The following FMNL2 variants were observed in gnomAD, a reference collection of about 807,000 sequenced individuals.
FMNL2 encodes the protein formin-like protein 2.
A neutral mutation model predicts 130.2 loss-of-function variants in FMNL2; 51 were observed. That is an observed-to-expected ratio of 0.39 (90% CI 0.31 to 0.49). The LOEUF (loss-of-function observed/expected upper bound fraction) is 0.49, where lower values mean the gene tolerates loss of function less well. Ranked by LOEUF, FMNL2 falls within the 20% of genes least tolerant of loss-of-function variation. The probability of loss-of-function intolerance (pLI) is 0.85; values close to 1 mark genes in which losing one functional copy is unlikely to be tolerated. For synonymous variants in FMNL2, 465 were observed against 467.1 expected (o/e 1.00, Z 0.06); for missense variants, 977 against 1,316.2 (o/e 0.74, Z 3.99).
chr2:152,336,705 C>T (rs1283930672), intron 1 of FMNL2, among the ~76,000 whole-genome samples: 10 of 152,078 alleles, frequency 6.6e-5, no homozygotes, highest in Non-Finnish European at 1.2e-4. Flanking sequence ...TTTTAGTGTC[C>T]CAGCCTCTTC....
At chr2:152,435,434 C>A (rs187981763) in intron 1 of FMNL2, among the ~76,000 whole-genome samples, 131 of 152,274 alleles carry the variant, frequency 8.6e-4, no homozygotes, top group Middle Eastern at 3.4e-3. Context: ...ACCTGGGTAT[C>A]TTTTTCTTCT....
intron 15 of FMNL2, chr2:152,621,240 G>A (rs961331415): frequency 7.1e-6 from 5 of 708,768 alleles, no homozygotes; most frequent in South Asian, 1.3e-4. Flanking sequence ...TCTGACAAAC[G>A]CTGATGTGTG....
chr2:152,627,138 T>C (rs922343803), intron 17 of FMNL2, among the ~76,000 whole-genome samples: 1 of 152,242 alleles, frequency 6.6e-6, no homozygotes, highest in Non-Finnish European at 1.5e-5. Context: ...GTATCTGGAT[T>C]TTATCCAGAT....
intron 9 of FMNL2, among the ~76,000 whole-genome samples, chr2:152,588,988 A>G (rs1697236051): frequency 6.6e-6 from 1 of 151,748 alleles, no homozygotes; most frequent in Non-Finnish European, 1.5e-5. Context: ...CTTACCATTC[A>G]TATTTCTCAT....
intron 1 of FMNL2, among the ~76,000 whole-genome samples, chr2:152,452,098 C>G (rs551660449): frequency 6.6e-6 from 1 of 152,192 alleles, no homozygotes; most frequent in Non-Finnish European, 1.5e-5. Context: ...TCCCTTCACT[C>G]TTTTCATCAA....
At chr2:152,489,665 A>G (rs1205386081) in intron 1 of FMNL2, among the ~76,000 whole-genome samples, 2 of 152,220 alleles carry the variant, frequency 1.3e-5, no homozygotes, top group African/African-American at 2.4e-5. Context: ...TATAGTTGAC[A>G]GTATTTTCCT....
chr2:152,404,884 A>G (rs1685898402), intron 1 of FMNL2, among the ~76,000 whole-genome samples: 1 of 152,162 alleles, frequency 6.6e-6, no homozygotes, highest in Non-Finnish European at 1.5e-5. Flanking sequence ...GTTGATGTCT[A>G]TCTACAAGTT....
chr2:152,384,800 C>T (rs888072752), intron 1 of FMNL2, among the ~76,000 whole-genome samples: 2 of 152,172 alleles, frequency 1.3e-5, no homozygotes, highest in African/African-American at 4.8e-5. Flanking sequence ...CCAGAGCCTG[C>T]ACACGTTTCT....
chr2:152,555,271 G>T (rs1695141501), intron 4 of FMNL2, among the ~76,000 whole-genome samples: 1 of 152,160 alleles, frequency 6.6e-6, no homozygotes, highest in African/African-American at 2.4e-5. Context: ...GAATCAGTTT[G>T]CAACACTGCC....
At chr2:152,514,970 T>G (rs1692682455) in intron 1 of FMNL2, among the ~76,000 whole-genome samples, 1 of 152,172 alleles carries the variant, frequency 6.6e-6, no homozygotes, top group Non-Finnish European at 1.5e-5. Context: ...ATGATGCTTA[T>G]CACTACCATG....
chr2:152,606,024 T>C (rs971893178), intron 9 of FMNL2, among the ~76,000 whole-genome samples: 2 of 152,240 alleles, frequency 1.3e-5, no homozygotes, highest in Non-Finnish European at 2.9e-5. Flanking sequence ...GTACTAAGCA[T>C]TGATGTAGAT....
At chr2:152,348,717 T>C (rs534005291) in intron 1 of FMNL2, among the ~76,000 whole-genome samples, 1 of 152,134 alleles carries the variant, frequency 6.6e-6, no homozygotes, top group South Asian at 2.1e-4. Flanking sequence ...TTCTTTTTTG[T>C]TGGAGTGAGG....
chr2:152,522,816 A>G (rs1352235100), intron 2 of FMNL2, among the ~76,000 whole-genome samples: 1 of 152,220 alleles, frequency 6.6e-6, no homozygotes, highest in East Asian at 1.9e-4. Flanking sequence ...ACAGACTAAT[A>G]GACAAATATA....
intron 15 of FMNL2, chr2:152,620,969 ATTAC>A: frequency 1.0e-6 from 1 of 985,392 alleles, no homozygotes; most frequent in East Asian, 1.1e-4. Flanking sequence ...TAGAACTTTT[ATTAC>A]TTCTGAAGGA....
chr2:152,637,652 T>C lies in FMNL2; in HGVS notation c.2924T>C (p.Val975Ala). 1 of 1,613,962 alleles carries C rather than the reference T, an allele frequency of 6.2e-7. No homozygotes were observed. The highest frequency in any genetic ancestry group is 8.5e-7 in the Non-Finnish European group (1 of 1,179,844). ...CCCTCTGTCTTCTTTCCTGTCTTTG[T>C]CCGGTTTGTGAAAGCATATAAGGTA... The part of the protein sequence containing the change: ...TPPSVFFPVF[V>A]RFVKAYKQAE... Residue 975 changes from valine to alanine, a missense_variant, in exon 23 of 26, where the codon GTC becomes GCC. By Grantham distance (64) the Val-to-Ala change is moderately conservative. This residue lies in a region of FMNL2 where 168 missense variants were observed against 168.8 expected (regional missense o/e 1.00). Coordinates refer to ENST00000288670, the MANE Select transcript of FMNL2 (RefSeq NM_052905.4).
intron 6 of FMNL2, among the ~76,000 whole-genome samples, chr2:152,566,225 C>T (rs1353054266): frequency 1.3e-5 from 2 of 152,164 alleles, no homozygotes; most frequent in Non-Finnish European, 2.9e-5. Flanking sequence ...CAGTCCCATT[C>T]CTGGCGATGG....
chr2:152,373,846 C>T (rs895613479), intron 1 of FMNL2, among the ~76,000 whole-genome samples: 10 of 151,314 alleles, frequency 6.6e-5, no homozygotes, highest in East Asian at 1.9e-4. Context: ...GAGTTCAACT[C>T]GATTCATGAA....
At chr2:152,429,350 C>T (rs1325334338) in intron 1 of FMNL2, among the ~76,000 whole-genome samples, 1 of 152,096 alleles carries the variant, frequency 6.6e-6, no homozygotes, top group Non-Finnish European at 1.5e-5. Flanking sequence ...AACTCTTGAT[C>T]CTTTTCTAGA....
chr2:152,584,119 C>A (rs549866548), intron 9 of FMNL2, among the ~76,000 whole-genome samples: 1 of 152,022 alleles, frequency 6.6e-6, no homozygotes, highest in South Asian at 2.1e-4. Flanking sequence ...CCCATCTTTG[C>A]GTGAGTGAAT....
Sources: gnomAD v4.1 joint callset for allele counts (sites outside exome capture counted in the v4.1 genomes callset) on GRCh38, gnomAD v4.1.1 for gene constraint, gnomAD v4.1.1 regional missense constraint, MANE v1.5 for transcripts, NCBI Gene and HGNC (gene_info 2026-07-23, HGNC 2026-07-21) for gene names.